Variants in SASH1 observed in about 807,000 individuals in gnomAD.
SASH1 encodes the protein SAM and SH3 domain containing 1, also known as SAM and SH3 domain-containing protein 1.
SASH1 carries 44 observed loss-of-function variants against 125.2 expected under a neutral mutation model. The observed-to-expected ratio is 0.35, with a 90% CI of 0.28 to 0.45. The LOEUF (loss-of-function observed/expected upper bound fraction) is 0.45. SASH1 is among the 20% of genes least tolerant of loss of function. SASH1 has a pLI of 1.00. For synonymous variants in SASH1, 639 were observed against 649.1 expected, an observed-to-expected ratio of 0.98 and a Z score of 0.24; for missense variants, 1,426 against 1,614.5, an observed-to-expected ratio of 0.88 and a Z score of 2.00.
chr6:148,548,517 G>A lies in SASH1; in HGVS notation c.3703G>A (p.Ala1235Thr), dbSNP rs779675818. 13 of 1,613,174 alleles carry A rather than the reference G, an allele frequency of 8.1e-6. No homozygotes were observed. Among genetic ancestry groups the A allele is most frequent in the Non-Finnish European group, 2.5e-6 (3 of 1,179,604 alleles). ...ERHIRKLLSA[A>T]RLFKLPPGPE... ...ACACATAAGAAAGCTCCTATCTGCA[G>A]CCAGACTCTTCAAACTGCCGCCAGG... Residue 1235 changes from alanine to threonine, a missense_variant, in exon 20 of 20, where the codon GCC becomes ACC. Transcript: ENST00000367467.
chr6:148,319,022 CTTTTTTTTTT>C (rs10695657), intron 1 of SASH1, among the ~76,000 whole-genome samples: 5 of 66,684 alleles, frequency 7.5e-5, no homozygotes, highest in East Asian at 1.1e-3. Context: ...CATTTATCTT[CTTTTTTTTTT>C]TTTTTTTTTT....
At chr6:148,238,548 A>G in the SASH1 span, among the ~76,000 whole-genome samples, 3 of 151,850 alleles carry the variant, frequency 2.0e-5, no homozygotes, top group African/African-American at 7.3e-5. Context: ...AATATACCAT[A>G]TGAAGTTTTC....
intron 1 of SASH1, among the ~76,000 whole-genome samples, chr6:148,319,022 C>CTTTTTTTTTTTTTTTTTTTTT (rs10695657): frequency 4.5e-5 from 3 of 66,686 alleles, no homozygotes; most frequent in African/African-American, 1.2e-4. Context: ...CATTTATCTT[C>CTTTTTTTTTTTTTTTTTTTTT]TTTTTTTTTT....
intron 16 of SASH1, among the ~76,000 whole-genome samples, chr6:148,536,123 T>C (rs1286214872): frequency 6.6e-6 from 1 of 152,060 alleles, no homozygotes; most frequent in Non-Finnish European, 1.5e-5. Context: ...TATAACAAGG[T>C]CTTTTAAGTA....
At chr6:148,339,023 A>AAG (rs1187131247), upstream of SASH1, among the ~76,000 whole-genome samples, 2 of 142,750 alleles carry the variant, frequency 1.4e-5, no homozygotes, top group South Asian at 2.2e-4. Context: ...AAAAAAAAAA[A>AAG]AGAGAGAGAG....
intron 1 of SASH1, among the ~76,000 whole-genome samples, chr6:148,357,198 A>G (rs1781980206): frequency 6.6e-6 from 1 of 152,184 alleles, no homozygotes. Flanking sequence ...TTATGCCCTC[A>G]GAGCTACTAG....
intron 7 of SASH1, among the ~76,000 whole-genome samples, chr6:148,482,556 C>T (rs538546241): frequency 1.3e-5 from 2 of 151,584 alleles, no homozygotes; most frequent in East Asian, 1.9e-4. Flanking sequence ...GGATCTTGCT[C>T]TGTAGCCCAT....
chr6:148,433,018 G>A (rs949350897), intron 2 of SASH1, among the ~76,000 whole-genome samples: 3 of 152,098 alleles, frequency 2.0e-5, no homozygotes, highest in Admixed American at 1.3e-4. Context: ...CATTTGTTTC[G>A]GTTTTGGTTT....
the SASH1 span, among the ~76,000 whole-genome samples, chr6:148,248,646 T>G: frequency 1.3e-5 from 2 of 152,222 alleles, no homozygotes; most frequent in Non-Finnish European, 2.9e-5. Flanking sequence ...TTGGAACATT[T>G]GCAACATTTT....
At chr6:148,448,439 A>T (rs1486121008) in intron 4 of SASH1, among the ~76,000 whole-genome samples, 1 of 152,104 alleles carries the variant, frequency 6.6e-6, no homozygotes, top group African/African-American at 2.4e-5. Context: ...GTGGCTTCAT[A>T]GGAACCTAAC....
intron 2 of SASH1, among the ~76,000 whole-genome samples, chr6:148,415,905 C>A (rs4897010): frequency 0.17 from 26,603 of 152,246 alleles, 2,490 homozygotes; most frequent in South Asian, 0.24. Flanking sequence ...AATTAGGGAC[C>A]TGCTCTCATT....
At chr6:148,326,414 C>CTTTT (rs56066712) in intron 1 of SASH1, among the ~76,000 whole-genome samples, 2 of 84,058 alleles carry the variant, frequency 2.4e-5, no homozygotes, top group Non-Finnish European at 4.7e-5. Flanking sequence ...CTTTTCTTTT[C>CTTTT]TTTTTTTTGA....
At chr6:148,228,409 G>A in the SASH1 span, among the ~76,000 whole-genome samples, 411 of 152,308 alleles carry the variant, frequency 2.7e-3, 3 homozygotes, top group African/African-American at 9.6e-3. Context: ...TTATGGTCTA[G>A]AATAAATGCT....
At chr6:148,203,756 A>T in the SASH1 span, among the ~76,000 whole-genome samples, 1 of 152,332 alleles carries the variant, frequency 6.6e-6, no homozygotes, top group South Asian at 2.1e-4. Context: ...TGGATGCCAC[A>T]CGTAGCTTTC....
intron 12 of SASH1, among the ~76,000 whole-genome samples, chr6:148,528,068 C>CA (rs2115388722): frequency 6.6e-6 from 1 of 150,524 alleles, no homozygotes; most frequent in East Asian, 2.0e-4. Flanking sequence ...GAAATAAACT[C>CA]AAAGTTCTTC....
At chr6:148,476,978 T>A in intron 7 of SASH1, among the ~76,000 whole-genome samples, 1 of 152,140 alleles carries the variant, frequency 6.6e-6, no homozygotes, top group Admixed American at 6.5e-5. Context: ...AACAATCTCT[T>A]CAATAAATGG....
At chr6:148,332,328 G>A (rs965327516) in intron 1 of SASH1, among the ~76,000 whole-genome samples, 1 of 152,160 alleles carries the variant, frequency 6.6e-6, no homozygotes, top group Non-Finnish European at 1.5e-5. Flanking sequence ...GCTGACTGTA[G>A]GCAAAAATTA....
chr6:148,419,982 G>C (rs1031439079), intron 2 of SASH1, among the ~76,000 whole-genome samples: 3 of 152,144 alleles, frequency 2.0e-5, no homozygotes, highest in African/African-American at 7.2e-5. Context: ...CAAAATTTCT[G>C]TGAGAAAAAT....
intron 4 of SASH1, among the ~76,000 whole-genome samples, chr6:148,452,498 G>A (rs1010101533): frequency 6.6e-6 from 1 of 152,230 alleles, no homozygotes; most frequent in Non-Finnish European, 1.5e-5. Flanking sequence ...GTTGTAGCTG[G>A]CCTAGGCTCT....
Sources: gnomAD v4.1 joint callset for allele counts (sites outside exome capture counted in the v4.1 genomes callset) on GRCh38, gnomAD v4.1.1 for gene constraint, MANE v1.5 for transcripts, NCBI Gene and HGNC (gene_info 2026-07-23, HGNC 2026-07-21) for gene names.